The following SARAF variants were observed in gnomAD, a reference collection of about 807,000 sequenced individuals.
SARAF encodes the protein store-operated calcium entry-associated regulatory factor.
Under a neutral mutation model 39.7 loss-of-function variants are expected in SARAF, and 23 were observed. The observed-to-expected ratio is 0.58, with a 90% confidence interval of 0.42 to 0.82. The LOEUF (loss-of-function observed/expected upper bound fraction) is 0.82, where lower values mean the gene tolerates loss of function less well. Ranked by LOEUF, SARAF falls within the 40% of genes least tolerant of loss-of-function variation. SARAF has a pLI of 0.00. For synonymous variants in SARAF, 175 were observed against 168.5 expected (o/e 1.04, Z -0.30); for missense variants, 384 against 418.5 (o/e 0.92, Z 0.72).
At chr8:30,075,403 G>GCT (rs1321209493) in intron 1 of SARAF, among the ~76,000 whole-genome samples, 18 of 152,228 alleles carry the variant, frequency 1.2e-4, no homozygotes, top group African/African-American at 4.3e-4. Flanking sequence ...CTGTGGATTG[G>GCT]CTCAGTCAAC....
intron 5 of SARAF, chr8:30,065,787 A>C: frequency 1.7e-6 from 1 of 599,882 alleles, no homozygotes; most frequent in Non-Finnish European, 2.9e-6. Context: ...GGTCTATGGT[A>C]GAGCTAAGCC....
At chr8:30,077,161 A>G (rs1801986463) in intron 1 of SARAF, among the ~76,000 whole-genome samples, 1 of 152,352 alleles carries the variant, frequency 6.6e-6, no homozygotes, top group African/African-American at 2.4e-5. Context: ...GCCAAGATTA[A>G]AAACAACAGA....
intron 5 of SARAF, among the ~76,000 whole-genome samples, chr8:30,065,208 T>G (rs917966177): frequency 6.6e-6 from 1 of 152,206 alleles, no homozygotes; most frequent in African/African-American, 2.4e-5. Flanking sequence ...TGAACAGTCT[T>G]GTGCTTATCT....
chr8:30,077,612 G>C (rs757588896), intron 1 of SARAF, among the ~76,000 whole-genome samples: 17 of 151,952 alleles, frequency 1.1e-4, no homozygotes, highest in Non-Finnish European at 1.8e-4. Context: ...GACCATCCTG[G>C]CGAACACGGT....
intron 5 of SARAF, 119 bp from the exon 6 acceptor site, chr8:30,064,032 A>T (rs372633948): frequency 2.3e-6 from 2 of 887,180 alleles, no homozygotes; most frequent in South Asian, 1.6e-5. Context: ...GAAAGGAAAG[A>T]GTGTGCCACT....
At chr8:30,066,562 G>A (rs911023923) in intron 4 of SARAF, among the ~76,000 whole-genome samples, 5 of 152,040 alleles carry the variant, frequency 3.3e-5, no homozygotes, top group African/African-American at 1.2e-4. Flanking sequence ...TAATATATAT[G>A]AAGGTGACAC....
chr8:30,075,583 A>G (rs1039249667), intron 1 of SARAF, among the ~76,000 whole-genome samples: 4 of 152,198 alleles, frequency 2.6e-5, no homozygotes, highest in Admixed American at 1.3e-4. Context: ...TTCAGCTAGT[A>G]AACACAGGCA....
At chr8:30,080,047 G>A (rs578097622) in intron 1 of SARAF, among the ~76,000 whole-genome samples, 1 of 152,224 alleles carries the variant, frequency 6.6e-6, no homozygotes, top group East Asian at 1.9e-4. Context: ...TTAACTCCAT[G>A]CTTCTAGTTG....
chr8:30,064,547 A>ATTTTTTTTTTTTTTT, intron 5 of SARAF, among the ~76,000 whole-genome samples: 1 of 37,014 alleles, frequency 2.7e-5, no homozygotes, highest in Non-Finnish European at 4.9e-5. Flanking sequence ...ATATATATAT[A>ATTTTTTTTTTTTTTT]TATATATATA....
intron 3 of SARAF, 115 bp from the exon 4 acceptor site, chr8:30,067,033 G>T: frequency 9.4e-7 from 1 of 1,069,236 alleles, no homozygotes; most frequent in Non-Finnish European, 1.4e-6. Context: ...ATAATACTCA[G>T]GCATCAAGTT....
intron 5 of SARAF, among the ~76,000 whole-genome samples, chr8:30,064,229 C>T (rs1377971250): frequency 5.3e-5 from 8 of 152,080 alleles, no homozygotes; most frequent in South Asian, 2.1e-4. Flanking sequence ...AGACAGAGGC[C>T]AGTGGCGCAT....
rs1412350022 is a variant in SARAF at position 30,083,007 on chromosome 8, G to C, written c.-58C>G. The C allele has an allele frequency of 7.5e-7, 1 of 1,341,028 alleles. No individual in the cohort carries two copies. The highest frequency in any genetic ancestry group is 1.4e-5 in the South Asian group (1 of 73,734). 83.1% of individuals were successfully genotyped at this position (1,341,028 alleles called of 1,614,324 possible). A position where few individuals can be genotyped will look rare whatever the true frequency, so the allele number is the denominator to read the frequency against. On this transcript the variant is annotated 5_prime_UTR_variant, in exon 1 of 6. Coordinates refer to ENST00000256255, the MANE Select transcript of SARAF (RefSeq NM_016127.6). ...ACGCCTACGGGCCGAACCTGGGTGC[G>C]GTAGCGCGCGCGACGCTGCGCAGCT...
At chr8:30,077,628 C>G (rs1250264151) in intron 1 of SARAF, among the ~76,000 whole-genome samples, 1 of 151,270 alleles carries the variant, frequency 6.6e-6, no homozygotes, top group African/African-American at 2.4e-5. Context: ...ACGGTGAAAC[C>G]CCGGCTCTAC....
At position 30,075,981 on chromosome 8, in the gene SARAF, T is replaced by TAAAAA. The variant is rs1491525634; in HGVS notation, c.104-1931_104-1927dup. On this transcript the variant is annotated intron_variant, in intron 1 of 5. Coordinates refer to ENST00000256255, the MANE Select transcript of SARAF (RefSeq NM_016127.6). Reference sequence around the variant, plus strand: ...AACCTGATGTACATAACAGAATCCCTAAAAAAAAACAAAAAAAAAAAAACA... The same window carrying TAAAAA: ...AACCTGATGTACATAACAGAATCCCTAAAAAAAAAAAAAACAAAAAAAAAAAAACA... Among the ~76,000 whole-genome samples the TAAAAA allele has an allele frequency of 9.5e-4, 7 of 7,382 alleles. 3 individuals are homozygous for TAAAAA. In the East Asian group the frequency reaches 9.9e-3, roughly 10 times the overall value. 4.8% of individuals were successfully genotyped at this position (7,382 alleles called of 152,430 possible).
chr8:30,073,425 T>C (rs1288083547), intron 2 of SARAF, among the ~76,000 whole-genome samples: 3 of 152,156 alleles, frequency 2.0e-5, no homozygotes, highest in Non-Finnish European at 2.9e-5. Context: ...CTTTCAAAAG[T>C]AACCACCCTC....
intron 1 of SARAF, among the ~76,000 whole-genome samples, chr8:30,081,453 C>T (rs1205387415): frequency 4.6e-5 from 7 of 152,208 alleles, no homozygotes; most frequent in African/African-American, 1.7e-4. Flanking sequence ...CCCACTCATA[C>T]ACAGCTTTCT....
intron 3 of SARAF, 119 bp from the exon 4 acceptor site, chr8:30,067,037 T>A: frequency 9.6e-7 from 1 of 1,047,064 alleles, no homozygotes; most frequent in Non-Finnish European, 1.4e-6. Flanking sequence ...TACTCAGGCA[T>A]CAAGTTATTA....
intron 2 of SARAF, among the ~76,000 whole-genome samples, chr8:30,071,763 T>C (rs1383558785): frequency 6.6e-6 from 1 of 152,238 alleles, no homozygotes; most frequent in Non-Finnish European, 1.5e-5. Context: ...TCAAGATTCA[T>C]CCACGTTGTA....
chr8:30,076,905 GGTATTGTGTTACA>G (rs1801979909), intron 1 of SARAF, among the ~76,000 whole-genome samples: 1 of 151,998 alleles, frequency 6.6e-6, no homozygotes, highest in Non-Finnish European at 1.5e-5. Context: ...CCCAGTCTGT[GGTATTGTGTTACA>G]GTAACATTAA....
Sources: allele counts gnomAD v4.1 joint callset (sites outside exome capture counted in the v4.1 genomes callset), GRCh38; gene constraint gnomAD v4.1.1; transcripts MANE v1.5; gene names NCBI Gene and HGNC (gene_info 2026-07-23, HGNC 2026-07-21).